Variants in VCL observed in about 807,000 individuals in gnomAD.
VCL encodes the protein epididymis luminal protein 114.
VCL carries 47 observed loss-of-function variants against 125.7 expected under a neutral mutation model. The ratio of observed to expected loss-of-function variants is 0.37; its 90% CI spans 0.30 to 0.48. The LOEUF (loss-of-function observed/expected upper bound fraction) is 0.48. Ranked by LOEUF, VCL falls within the 20% of genes least tolerant of loss-of-function variation. The probability of loss-of-function intolerance (pLI) is 0.99; values close to 1 mark genes in which losing one functional copy is unlikely to be tolerated. For synonymous variants in VCL, 458 were observed against 514.6 expected (o/e 0.89, Z 1.49); for missense variants, 1,069 against 1,455.5 (o/e 0.73, Z 4.32).
chr10:74,118,494 C>A lies in VCL; in HGVS notation c.*325C>A. ...GTGAACACTAGCCAGACACTCTGCT[C>A]TGCCCTTGTTCCCTAGGGGACACTT... On this transcript the variant is annotated 3_prime_UTR_variant, in exon 22 of 22. Coordinates refer to ENST00000211998, the MANE Select transcript of VCL (RefSeq NM_014000.3). The A allele has an allele frequency of 2.6e-6, 1 of 391,156 alleles. No individual in the cohort carries two copies. The highest frequency in any genetic ancestry group is 4.9e-6 in the Non-Finnish European group (1 of 205,504). 24.2% of individuals were successfully genotyped at this position (391,156 alleles called of 1,614,324 possible).
intron 8 of VCL, among the ~76,000 whole-genome samples, chr10:74,086,416 C>G (rs1839773415): frequency 6.6e-6 from 1 of 152,248 alleles, no homozygotes; most frequent in African/African-American, 2.4e-5. Context: ...TTCAGTGAAT[C>G]TTTTCTCCTG....
intron 1 of VCL, among the ~76,000 whole-genome samples, chr10:74,008,031 TG>T (rs1382072144): frequency 2.0e-5 from 3 of 152,140 alleles, no homozygotes; most frequent in Non-Finnish European, 2.9e-5. Context: ...CTCGAAGTCC[TG>T]ACCTGAGGTG....
At chr10:74,017,282 C>T (rs1215387642) in intron 1 of VCL, among the ~76,000 whole-genome samples, 11 of 151,568 alleles carry the variant, frequency 7.3e-5, no homozygotes, top group Admixed American at 7.2e-4. Flanking sequence ...CTCCTGACCT[C>T]GTGATCCGCC....
At chr10:74,020,860 A>AAAAAAAAG in intron 1 of VCL, among the ~76,000 whole-genome samples, 1 of 151,096 alleles carries the variant, frequency 6.6e-6, no homozygotes, top group African/African-American at 2.4e-5. Flanking sequence ...AAAAAAAAAA[A>AAAAAAAAG]AGAGAGCGAG....
intron 1 of VCL, among the ~76,000 whole-genome samples, chr10:74,021,608 A>G (rs1840668246): frequency 6.6e-6 from 1 of 152,194 alleles, no homozygotes; most frequent in Admixed American, 6.5e-5. Flanking sequence ...TGATTGCCAC[A>G]TTTCAACTGA....
intron 1 of VCL, among the ~76,000 whole-genome samples, chr10:74,022,272 A>G (rs1451177482): frequency 2.6e-5 from 4 of 152,146 alleles, no homozygotes; most frequent in Admixed American, 2.0e-4. Flanking sequence ...CAGGCCAGGC[A>G]CGGTGGCTCA....
chr10:74,026,575 CA>C (rs1258408617), intron 1 of VCL, among the ~76,000 whole-genome samples: 1 of 152,072 alleles, frequency 6.6e-6, no homozygotes, highest in African/African-American at 2.4e-5. Context: ...ACTGAAATCA[CA>C]AACGAATATT....
At chr10:74,003,850 G>T (rs1440406779) in intron 1 of VCL, among the ~76,000 whole-genome samples, 7 of 152,114 alleles carry the variant, frequency 4.6e-5, no homozygotes, top group African/African-American at 1.7e-4. Context: ...CTCCTTAGTA[G>T]CTGGGACTAC....
intron 1 of VCL, among the ~76,000 whole-genome samples, chr10:74,003,952 C>T (rs951612096): frequency 6.6e-6 from 1 of 152,082 alleles, no homozygotes; most frequent in African/African-American, 2.4e-5. Context: ...AACTCCTGGC[C>T]TCAAACAATA....
chr10:73,998,171 C>A lies in VCL; in HGVS notation c.-37C>A. On this transcript the variant is annotated 5_prime_UTR_variant, in exon 1 of 22. In the 5' UTR this introduces an upstream ATG that the reference lacks. Transcript: ENST00000211998. ...TCCCGGCCCCGTGGATCCTACTTCT[C>A]TGTCGCCCGCGGTTCGCCGCCCCGC... 1 of 1,605,532 alleles carries A rather than the reference C, an allele frequency of 6.2e-7. No homozygotes were observed. The highest frequency in any genetic ancestry group is 8.5e-7 in the Non-Finnish European group (1 of 1,176,184).
intron 1 of VCL, chr10:74,027,843 C>T (rs1260336464): frequency 1.3e-5 from 2 of 151,904 alleles, no homozygotes; most frequent in Non-Finnish European, 2.9e-5. Flanking sequence ...CTTCAGTTGG[C>T]ATTTAATTTC....
At chr10:74,109,296 C>T (rs1435306700) in intron 18 of VCL, 140 bp downstream of exon 18, 2 of 1,070,442 alleles carry the variant, frequency 1.9e-6, no homozygotes, top group East Asian at 5.2e-5. Context: ...TAGCATATTC[C>T]TCTTCTTACC....
chr10:74,103,210 T>C (rs1163676225), intron 14 of VCL, among the ~76,000 whole-genome samples: 1 of 152,186 alleles, frequency 6.6e-6, no homozygotes, highest in Admixed American at 6.5e-5. Flanking sequence ...ATCTGTAAAA[T>C]GGAGCTAACT....
At chr10:74,021,359 T>C (rs576596253) in intron 1 of VCL, among the ~76,000 whole-genome samples, 36 of 152,300 alleles carry the variant, frequency 2.4e-4, no homozygotes, top group East Asian at 1.2e-3. Context: ...GACTTCAATG[T>C]TGAATTGGTT....
At chr10:74,002,752 C>T (rs1218034535) in intron 1 of VCL, among the ~76,000 whole-genome samples, 7 of 151,214 alleles carry the variant, frequency 4.6e-5, no homozygotes, top group Admixed American at 4.0e-4. Flanking sequence ...CATGGTGGCA[C>T]GCGCCTGTAG....
chr10:74,102,234 GT>G (rs1384429758), intron 14 of VCL, among the ~76,000 whole-genome samples: 248 of 135,354 alleles, frequency 1.8e-3, no homozygotes, highest in South Asian at 7.6e-3. Context: ...CTTTGTGAGA[GT>G]TTTTTTTTTT....
rs1189588477 is a variant in VCL, at chr10:74,071,641, A to C, written c.499+558A>C. 6.6e-6 allele frequency among the ~76,000 whole-genome samples: 1 copy of C among 152,268 alleles called. No individual in the cohort carries two copies. The highest frequency in any genetic ancestry group is 2.4e-5 in the African/African-American group (1 of 41,480). The stretch of plus-strand genomic sequence containing the variant: ...GATACCAGCTTTTGATGTTACAGAC[A>C]TATAACATGAACTTGAGGGTCTTTA... On this transcript the variant is annotated intron_variant, in intron 4 of 21. Coordinates refer to ENST00000211998, the MANE Select transcript of VCL (RefSeq NM_014000.3). This position sits in a 1 kb window ranked among gnomAD's most constrained non-coding sequence, Gnocchi z 4.1.
At chr10:74,112,246 A>G (rs913122824) in intron 19 of VCL, 134 bp downstream of exon 19, 2 of 1,150,710 alleles carry the variant, frequency 1.7e-6, no homozygotes, top group African/African-American at 3.1e-5. Flanking sequence ...TGTCTGCACC[A>G]TGTTGTTAGG....
chr10:74,112,673 T>C (rs1382553266), intron 19 of VCL, among the ~76,000 whole-genome samples: 1 of 151,942 alleles, frequency 6.6e-6, no homozygotes, highest in African/African-American at 2.4e-5. Flanking sequence ...TGTCCAGGTA[T>C]CTCAGTGGGA....
Sources: gnomAD v4.1 joint callset for allele counts (sites outside exome capture counted in the v4.1 genomes callset) on GRCh38, gnomAD v4.1.1 for gene constraint, Gnocchi (gnomAD v3.1) non-coding constraint, MANE v1.5 for transcripts, NCBI Gene and HGNC (gene_info 2026-07-23, HGNC 2026-07-21) for gene names.